DGCR2: variants seen among roughly 807,000 people sequenced by gnomAD.
DGCR2 encodes the protein DiGeorge syndrome critical region gene 2.
A neutral mutation model predicts 51.6 loss-of-function variants in DGCR2; 24 were observed. The observed-to-expected ratio is 0.47, with a 90% CI of 0.34 to 0.65. The LOEUF (loss-of-function observed/expected upper bound fraction) is 0.65, where lower values mean the gene tolerates loss of function less well. Ranked by LOEUF, DGCR2 falls within the 30% of genes least tolerant of loss-of-function variation. The pLI is 0.01. For synonymous variants in DGCR2, 340 were observed against 315.4 expected (o/e 1.08, Z -0.82); for missense variants, 765 against 772.1 (o/e 0.99, Z 0.11).
At chr22:19,091,920 T>C (rs1374461379) in intron 1 of DGCR2, among the ~76,000 whole-genome samples, 2 of 150,998 alleles carry the variant, frequency 1.3e-5, no homozygotes, top group African/African-American at 2.4e-5. Flanking sequence ...TAAGAAATAA[T>C]AAAGATGAGA....
rs2082368797 is a variant in DGCR2, at chr22:19,036,384, T to G, written c.*2481A>C. 6.6e-6 allele frequency: 1 copy of G among 152,366 alleles called. No homozygotes were observed. Among genetic ancestry groups the G allele is most frequent in the Admixed American group, 6.5e-5 (1 of 15,272 alleles). The allele number at this position is 152,366 out of a possible 1,614,324, so 9.4% of individuals were successfully genotyped here. On this transcript the variant is annotated 3_prime_UTR_variant, in exon 10 of 10. Coordinates refer to ENST00000263196, the MANE Select transcript of DGCR2 (RefSeq NM_005137.3). ...CCAACCAAAAACTAAAAACCCTTAA[T>G]GAAAACATAAAAAAACAGGCATCAA...
intron 6 of DGCR2, among the ~76,000 whole-genome samples, chr22:19,052,867 G>A (rs1447533522): frequency 6.6e-6 from 1 of 152,142 alleles, no homozygotes; most frequent in Admixed American, 6.5e-5. Context: ...ACCCCAAAAG[G>A]TTGCAACTAT....
At chr22:19,046,760 CG>C in intron 7 of DGCR2, 1 of 445,470 alleles carries the variant, frequency 2.2e-6, no homozygotes, top group Non-Finnish European at 4.6e-6. Context: ...TCGCTCTGGC[CG>C]TGCAGGAGAG....
intron 7 of DGCR2, chr22:19,046,037 T>C (rs2082486106): frequency 6.6e-6 from 1 of 152,174 alleles, no homozygotes; most frequent in African/African-American, 2.4e-5. Context: ...TCCACCTGAT[T>C]TTTAGAATTA....
chr22:19,073,723 G>A (rs1195540353), intron 2 of DGCR2, among the ~76,000 whole-genome samples: 1 of 152,356 alleles, frequency 6.6e-6, no homozygotes, highest in African/African-American at 2.4e-5. Flanking sequence ...CCAAACTTAT[G>A]TGCAAAGGTA....
intron 9 of DGCR2, among the ~76,000 whole-genome samples, chr22:19,040,232 T>C (rs2082416179): frequency 2.0e-5 from 3 of 152,188 alleles, no homozygotes; most frequent in African/African-American, 7.2e-5. Flanking sequence ...AGGGGTCAAA[T>C]GCAAGTCTTT....
rs553658714 is a variant in DGCR2, at chr22:19,069,095, G to A, written c.203-870C>T. 3.3e-5 allele frequency among the ~76,000 whole-genome samples: 5 copies of A among 152,370 alleles called. No individual in the cohort carries two copies. The South Asian group carries it at 8.3e-4, about 25-fold the overall frequency. ...CCACTCTGTACAGGTGTACCCTGAT[G>A]TGTCATGAAGGGCATCGGGTACAAG... On this transcript the variant is annotated intron_variant, in intron 2 of 9. Coordinates refer to ENST00000263196, the MANE Select transcript of DGCR2 (RefSeq NM_005137.3).
intron 9 of DGCR2, 84 bp from the exon 10 acceptor site, chr22:19,039,205 ACTC>A: frequency 6.5e-6 from 10 of 1,537,240 alleles, no homozygotes; most frequent in Non-Finnish European, 8.8e-6. Flanking sequence ...ACCAGGAGAC[ACTC>A]CTCCTGCCTG....
At chr22:19,093,259 C>A (rs2083100097) in intron 1 of DGCR2, among the ~76,000 whole-genome samples, 1 of 151,628 alleles carries the variant, frequency 6.6e-6, no homozygotes, top group South Asian at 2.1e-4. Flanking sequence ...ACTCGGGAGG[C>A]TGAGGCAGGA....
At chr22:19,100,742 T>C (rs932066437) in intron 1 of DGCR2, among the ~76,000 whole-genome samples, 55 of 152,226 alleles carry the variant, frequency 3.6e-4, no homozygotes, top group African/African-American at 1.2e-3. Flanking sequence ...CTTAAAATTA[T>C]TGAAGACCCC....
chr22:19,073,546 G>C (rs567234130), intron 2 of DGCR2, among the ~76,000 whole-genome samples: 2 of 152,302 alleles, frequency 1.3e-5, no homozygotes, highest in Non-Finnish European at 2.9e-5. Flanking sequence ...TGAGGAGGCA[G>C]TGCAATGGTT....
At position 19,088,962 on chromosome 22, in the gene DGCR2, C is replaced by T. The variant is rs143002242; in HGVS notation, c.202+406G>A. On this transcript the variant is annotated intron_variant, in intron 2 of 9. Transcript: ENST00000263196. ...TGAATGAGTGAGCAGGAGGGGAGGG[C>T]GTGCCAAGGCCAGTCTAAAAGAGCA... Among the ~76,000 whole-genome samples, 30 of 152,128 alleles carry T rather than the reference C, an allele frequency of 2.0e-4. No homozygotes were observed. In the East Asian group the frequency reaches 5.4e-3, roughly 28 times the overall value.
At chr22:19,111,543 C>T (rs541652495) in intron 1 of DGCR2, among the ~76,000 whole-genome samples, 75 of 152,298 alleles carry the variant, frequency 4.9e-4, no homozygotes, top group African/African-American at 1.3e-3. Flanking sequence ...TCTTAGCATC[C>T]TAATCTCCAA....
chr22:19,062,521 C>T (rs1029918496), intron 5 of DGCR2, among the ~76,000 whole-genome samples: 28 of 152,146 alleles, frequency 1.8e-4, no homozygotes, highest in African/African-American at 6.5e-4. Context: ...CTAGCTCAAG[C>T]CACAGGCACA....
rs751697700 is a variant in DGCR2, at chr22:19,041,170, G to A, written c.1284C>T (p.Asp428=). ...TGTATGCCGTGTAGGGAGGTGGAGG[G>A]TCGTGGAAATGGAAAGTCCCACCCT... ...DGEGGTFHFH[D]PPPPYTAYKY... The change falls in exon 9 of 10, where the codon GAC becomes GAT. Residue 428 remains aspartate (D), a synonymous_variant. Coordinates refer to ENST00000263196, the MANE Select transcript of DGCR2 (RefSeq NM_005137.3). 6.2e-7 allele frequency: 1 copy of A among 1,614,032 alleles called. No homozygotes were observed. The highest frequency in any genetic ancestry group is 8.5e-7 in the Non-Finnish European group (1 of 1,179,972).
chr22:19,113,295 G>A lies in DGCR2; in HGVS notation c.79+8833C>T, dbSNP rs572009954. Among the ~76,000 whole-genome samples the A allele has an allele frequency of 1.2e-4, 19 of 152,064 alleles. No homozygotes were observed. The East Asian group carries it at 2.5e-3, about 20-fold the overall frequency. On this transcript the variant is annotated intron_variant, in intron 1 of 9. Coordinates refer to ENST00000263196, the MANE Select transcript of DGCR2 (RefSeq NM_005137.3). ...TGAGGCAGAAGAATCGCTTGAACCC[G>A]GGAGGCGGAGGTTGCAGTGAGCCGA...
intron 5 of DGCR2, among the ~76,000 whole-genome samples, chr22:19,059,809 C>A (rs2082641278): frequency 1.3e-5 from 2 of 152,158 alleles, no homozygotes; most frequent in Admixed American, 1.3e-4. Flanking sequence ...ACCTCTGCCA[C>A]CACATCCTCT....
chr22:19,076,599 A>G (rs921074800), intron 2 of DGCR2, among the ~76,000 whole-genome samples: 4 of 152,176 alleles, frequency 2.6e-5, no homozygotes, highest in Non-Finnish European at 5.9e-5. Flanking sequence ...CCTGTTCAAC[A>G]GCAAACATCT....
At chr22:19,073,676 G>T (rs1361513387) in intron 2 of DGCR2, among the ~76,000 whole-genome samples, 2 of 152,086 alleles carry the variant, frequency 1.3e-5, no homozygotes, top group Admixed American at 1.3e-4. Flanking sequence ...CAAAATTATG[G>T]GAAAAACTTA....
Sources: allele counts gnomAD v4.1 joint callset (sites outside exome capture counted in the v4.1 genomes callset), GRCh38; gene constraint gnomAD v4.1.1; transcripts MANE v1.5; gene names NCBI Gene and HGNC (gene_info 2026-07-23, HGNC 2026-07-21).